Variants in SPOCK3 observed in about 807,000 individuals in gnomAD.
The protein encoded by SPOCK3 is testican-3.
A neutral mutation model predicts 56.6 loss-of-function variants in SPOCK3; 30 were observed. The ratio of observed to expected loss-of-function variants is 0.53; its 90% confidence interval spans 0.40 to 0.72. The LOEUF is 0.72. SPOCK3 is among the 30% of genes least tolerant of loss of function. The pLI is 0.00. For synonymous variants in SPOCK3, 196 were observed against 183.3 expected (o/e 1.07, Z -0.56); for missense variants, 527 against 530.0 (o/e 0.99, Z 0.06).
chr4:166,890,441 C>G (rs1246778224), intron 5 of SPOCK3, among the ~76,000 whole-genome samples: 1 of 151,820 alleles, frequency 6.6e-6, no homozygotes, highest in African/African-American at 2.4e-5. Flanking sequence ...TATCATGAAC[C>G]AGGCTCTCGG....
At chr4:166,843,302 G>A (rs550566298) in intron 6 of SPOCK3, among the ~76,000 whole-genome samples, 4 of 152,352 alleles carry the variant, frequency 2.6e-5, no homozygotes, top group South Asian at 2.1e-4. Context: ...CAGAGGAGGC[G>A]CTGAGAGCGA....
intron 7 of SPOCK3, among the ~76,000 whole-genome samples, chr4:166,767,958 T>A (rs1579165632): frequency 6.6e-6 from 1 of 152,142 alleles, no homozygotes; most frequent in Non-Finnish European, 1.5e-5. Context: ...CTTCTTTTTG[T>A]CTTTTGATCT....
At chr4:166,859,659 T>C (rs866333076) in intron 6 of SPOCK3, among the ~76,000 whole-genome samples, 8 of 152,084 alleles carry the variant, frequency 5.3e-5, no homozygotes, top group Non-Finnish European at 1.0e-4. Flanking sequence ...AAAATTATTA[T>C]TATGAATCAG....
At chr4:167,159,164 T>A (rs922901893) in intron 2 of SPOCK3, among the ~76,000 whole-genome samples, 1 of 152,008 alleles carries the variant, frequency 6.6e-6, no homozygotes, top group Non-Finnish European at 1.5e-5. Context: ...TTTTCTCATC[T>A]AAAAAGTAAT....
At chr4:166,928,894 G>A (rs1436554889) in intron 4 of SPOCK3, among the ~76,000 whole-genome samples, 1 of 152,126 alleles carries the variant, frequency 6.6e-6, no homozygotes, top group African/African-American at 2.4e-5. Context: ...CTTGAACTCA[G>A]GAGGCAGAGT....
At chr4:167,195,157 G>A (rs2110878258) in intron 2 of SPOCK3, among the ~76,000 whole-genome samples, 1 of 152,282 alleles carries the variant, frequency 6.6e-6, no homozygotes, top group Middle Eastern at 3.4e-3. Context: ...TCAGACCAAG[G>A]GACATAGATG....
At chr4:166,747,274 A>AG (rs1259834521) in intron 8 of SPOCK3, among the ~76,000 whole-genome samples, 1 of 152,146 alleles carries the variant, frequency 6.6e-6, no homozygotes, top group Non-Finnish European at 1.5e-5. Context: ...CACATCAAAG[A>AG]GCTTATCCAC....
chr4:167,008,458 T>C (rs923305297), intron 3 of SPOCK3, among the ~76,000 whole-genome samples: 5 of 152,148 alleles, frequency 3.3e-5, no homozygotes, highest in Non-Finnish European at 7.4e-5. Context: ...GATTTGAATA[T>C]GTAAGTCTTA....
intron 2 of SPOCK3, among the ~76,000 whole-genome samples, chr4:167,088,938 T>C (rs1408536214): frequency 2.0e-5 from 3 of 152,190 alleles, no homozygotes; most frequent in Non-Finnish European, 4.4e-5. Flanking sequence ...AATAAAGAAC[T>C]AATCAATCAT....
At chr4:167,025,438 T>C (rs891692530) in intron 3 of SPOCK3, among the ~76,000 whole-genome samples, 4 of 152,058 alleles carry the variant, frequency 2.6e-5, no homozygotes, top group African/African-American at 9.7e-5. Flanking sequence ...AAATAACGTG[T>C]GTACAATGAG....
At chr4:166,980,404 T>C (rs2150090856) in intron 4 of SPOCK3, among the ~76,000 whole-genome samples, 1 of 152,374 alleles carries the variant, frequency 6.6e-6, no homozygotes, top group Non-Finnish European at 1.5e-5. Flanking sequence ...AGCTCACAAG[T>C]GTCACAGGAT....
At chr4:167,033,385 AATTATTCATT>A (rs1376255068) in intron 3 of SPOCK3, among the ~76,000 whole-genome samples, 1 of 113,032 alleles carries the variant, frequency 8.8e-6, no homozygotes, top group Non-Finnish European at 1.9e-5. Context: ...TAATATAAGC[AATTATTCATT>A]ATTATTATTA....
intron 4 of SPOCK3, among the ~76,000 whole-genome samples, chr4:166,969,681 G>A (rs775256971): frequency 6.6e-6 from 1 of 151,932 alleles, no homozygotes; most frequent in Admixed American, 6.6e-5. Context: ...CTCCTGTACA[G>A]CCTGTGGAAC....
intron 2 of SPOCK3, among the ~76,000 whole-genome samples, chr4:167,206,716 A>AT (rs532533356): frequency 4.6e-5 from 7 of 151,412 alleles, no homozygotes; most frequent in South Asian, 2.1e-4. Context: ...ACAGATACCA[A>AT]TTTTTTTTTC....
intron 3 of SPOCK3, among the ~76,000 whole-genome samples, chr4:167,035,515 C>T (rs1392151012): frequency 6.6e-6 from 1 of 152,022 alleles, no homozygotes; most frequent in Non-Finnish European, 1.5e-5. Flanking sequence ...GGAAGTTAAA[C>T]AGCTCCAAAT....
chr4:167,107,190 A>G (rs1283825179), intron 2 of SPOCK3, among the ~76,000 whole-genome samples: 2 of 151,948 alleles, frequency 1.3e-5, no homozygotes, highest in Non-Finnish European at 2.9e-5. Flanking sequence ...CCAGACAAAG[A>G]TACATAAGTA....
chr4:166,955,492 TATTAA>T, intron 4 of SPOCK3, among the ~76,000 whole-genome samples: 1 of 146,020 alleles, frequency 6.8e-6, no homozygotes, highest in African/African-American at 2.5e-5. Context: ...TATATTATAT[TATTAA>T]ATTAGTTATA....
At chr4:166,903,010 G>T (rs1282701322) in intron 5 of SPOCK3, among the ~76,000 whole-genome samples, 3 of 149,858 alleles carry the variant, frequency 2.0e-5, no homozygotes, top group Non-Finnish European at 4.4e-5. Flanking sequence ...TGTTGGCATT[G>T]TTCACTCTTG....
At chr4:166,980,408 A>G (rs1746439511) in intron 4 of SPOCK3, among the ~76,000 whole-genome samples, 1 of 152,220 alleles carries the variant, frequency 6.6e-6, no homozygotes, top group Non-Finnish European at 1.5e-5. Context: ...CACAAGTGTC[A>G]CAGGATCCTT....
Sources: gnomAD v4.1 joint callset for allele counts (sites outside exome capture counted in the v4.1 genomes callset) on GRCh38, gnomAD v4.1.1 for gene constraint, MANE v1.5 for transcripts, NCBI Gene and HGNC (gene_info 2026-07-23, HGNC 2026-07-21) for gene names.